The following LIPG variants were observed in gnomAD, a reference collection of about 807,000 sequenced individuals.
LIPG encodes the protein lipase G, endothelial type, also known as endothelial lipase.
A neutral mutation model predicts 51.8 loss-of-function variants in LIPG; 34 were observed. That is an observed-to-expected ratio of 0.66 (90% CI 0.50 to 0.87). The LOEUF is 0.87. Among genes scored for constraint, LIPG ranks in the 40% least tolerant of loss-of-function variants. LIPG has a pLI of 0.00. For missense variants in LIPG, 580 were observed against 652.7 expected (o/e 0.89, Z 1.21); for synonymous variants, 246 against 246.1 (o/e 1.00, Z 0.00).
chr18:49,571,928 C>T (rs947960315), intron 4 of LIPG, among the ~76,000 whole-genome samples: 8 of 152,170 alleles, frequency 5.3e-5, no homozygotes, highest in Admixed American at 2.6e-4. Flanking sequence ...GAACCTGTGC[C>T]TTGTTTGCTA....
At chr18:49,561,556 C>A, upstream of LIPG, 3 of 704,490 alleles carry the variant, frequency 4.3e-6, no homozygotes, top group Non-Finnish European at 5.9e-6. Context: ...TTGCGGCCCT[C>A]GCTAGGCGGG....
Position 49,575,610 on chromosome 18 carries a change from CTTTGTG to C in LIPG, c.793+25_793+30del, listed in dbSNP as rs891576207. 3.1e-6 allele frequency: 5 copies of C among 1,601,364 alleles called. No homozygotes were observed. In the African/African-American group the frequency reaches 6.7e-5, roughly 21 times the overall value. ...ATGGAAGTGAGTTCCCTCTTTTCTGCTTTGTGTTTGACTCAGTTTATTCCATCTCCT... is the reference window on the plus strand; with the variant it reads ...ATGGAAGTGAGTTCCCTCTTTTCTGCTTTGACTCAGTTTATTCCATCTCCT... On this transcript the variant is annotated intron_variant, in intron 5 of 9. Transcript: ENST00000261292.
At chr18:49,582,211 G>C in intron 6 of LIPG, 151 bp from the exon 7 acceptor site, 1 of 890,158 alleles carries the variant, frequency 1.1e-6, no homozygotes, top group Non-Finnish European at 1.8e-6. Flanking sequence ...TATGGCATTG[G>C]ACAGAACAAG....
At chr18:49,590,099 G>T (rs1003884575) in intron 9 of LIPG, 1 of 339,078 alleles carries the variant, frequency 2.9e-6, no homozygotes, top group Middle Eastern at 1.0e-3. Context: ...TGCCAATACA[G>T]TGTCTCTCTT....
chr18:49,562,118 C>T lies in LIPG; in HGVS notation c.-191C>T. Reference sequence around the variant, plus strand: ...GGGCAGATCTCGTTCTGGGGCAAGCCGTTGACACTCGCTCCCTGCCACCGC... The same window carrying T: ...GGGCAGATCTCGTTCTGGGGCAAGCTGTTGACACTCGCTCCCTGCCACCGC... On this transcript the variant is annotated 5_prime_UTR_variant, in exon 1 of 10. Transcript: ENST00000261292. 6.9e-7 allele frequency: 1 copy of T among 1,456,546 alleles called. No individual in the cohort carries two copies. Among genetic ancestry groups the T allele is most frequent in the South Asian group, 1.5e-5 (1 of 68,818 alleles). The allele number at this position is 1,456,546 out of a possible 1,614,324, so 90.2% of individuals were successfully genotyped here.
chr18:49,584,401 C>T (rs1269953133), intron 8 of LIPG, among the ~76,000 whole-genome samples: 2 of 152,206 alleles, frequency 1.3e-5, no homozygotes, highest in African/African-American at 4.8e-5. Flanking sequence ...TTTCTATCAG[C>T]TCCTAACACC....
chr18:49,574,321 G>A (rs1353975944), intron 4 of LIPG, among the ~76,000 whole-genome samples: 1 of 152,116 alleles, frequency 6.6e-6, no homozygotes, highest in Non-Finnish European at 1.5e-5. Flanking sequence ...GAAACACAGG[G>A]AAGTTTTTCA....
In LIPG at chr18:49,577,018, A is replaced by ATT. The variant is rs1421602554; in HGVS notation, c.793+1430_793+1431dup. ...TACACTCTATTTTATTTTATTTTTTATTTATTTATTTTTTTTTTATTGATA... is the reference window on the plus strand; with the variant it reads ...TACACTCTATTTTATTTTATTTTTTATTTTTATTTATTTTTTTTTTATTGATA... On this transcript the variant is annotated intron_variant, in intron 5 of 9. Coordinates refer to ENST00000261292, the MANE Select transcript of LIPG (RefSeq NM_006033.4). Among the ~76,000 whole-genome samples, 902 of 151,594 alleles carry ATT rather than the reference A, an allele frequency of 6.0e-3. 6 individuals carry two copies. Among genetic ancestry groups the ATT allele is most frequent in the African/African-American group, 0.02 (839 of 41,230 alleles).
chr18:49,586,666 C>T, intron 8 of LIPG, 80 bp from the exon 9 acceptor site: 1 of 1,003,306 alleles, frequency 1.0e-6, no homozygotes, highest in Non-Finnish European at 1.6e-6. Flanking sequence ...GCCTCCTCAC[C>T]CATCTGCCTT....
chr18:49,565,842 A>G (rs2084600579), intron 2 of LIPG, among the ~76,000 whole-genome samples: 1 of 152,332 alleles, frequency 6.6e-6, no homozygotes, highest in South Asian at 2.1e-4. Context: ...GTGAGAGCTG[A>G]GCTTAACTAA....
intron 5 of LIPG, among the ~76,000 whole-genome samples, chr18:49,578,403 G>A (rs1396636398): frequency 5.7e-5 from 7 of 123,334 alleles, no homozygotes; most frequent in African/African-American, 2.0e-4. Context: ...GGGCAGAGGC[G>A]CTCCCCACAT....
At chr18:49,566,762 C>T (rs2084610464) in intron 2 of LIPG, among the ~76,000 whole-genome samples, 1 of 152,132 alleles carries the variant, frequency 6.6e-6, no homozygotes, top group Admixed American at 6.5e-5. Flanking sequence ...TCCAGGGCAA[C>T]CCTCCCTAGC....
chr18:49,577,483 T>A (rs1034648167), intron 5 of LIPG, among the ~76,000 whole-genome samples: 1 of 147,156 alleles, frequency 6.8e-6, no homozygotes. Context: ...GCCTTTCTAT[T>A]CCACAAAGCC....
At chr18:49,564,214 A>G (rs1232875284) in intron 1 of LIPG, among the ~76,000 whole-genome samples, 1 of 152,054 alleles carries the variant, frequency 6.6e-6, no homozygotes, top group African/African-American at 2.4e-5. Flanking sequence ...CTCTGAGATA[A>G]ATTAACTCCA....
At chr18:49,566,716 C>T (rs1042452366) in intron 2 of LIPG, among the ~76,000 whole-genome samples, 3 of 152,134 alleles carry the variant, frequency 2.0e-5, no homozygotes, top group African/African-American at 7.2e-5. Flanking sequence ...ACCTAGGAGA[C>T]AGCATCTCCC....
At position 49,586,789 on chromosome 18, in the gene LIPG, C is replaced by T; in HGVS notation, c.1420C>T (p.Pro474Ser). Reference protein sequence around the residue: ...TEDPENTSISPGRELWFRKCR... With the variant: ...TEDPENTSISSGRELWFRKCR... Reference sequence around the variant, plus strand: ...AGACCCTGAGAACACCAGCATATCCCCAGGCCGGGAGCTCTGGTTTCGCAA... The same window carrying T: ...AGACCCTGAGAACACCAGCATATCCTCAGGCCGGGAGCTCTGGTTTCGCAA... The change falls in exon 9 of 10, where the codon CCA becomes TCA. Residue 474 changes from proline (P) to serine (S), a missense_variant. Transcript: ENST00000261292. 3 of 1,614,140 alleles carry T rather than the reference C, an allele frequency of 1.9e-6. No individual in the cohort carries two copies. Among genetic ancestry groups the T allele is most frequent in the Non-Finnish European group, 2.5e-6 (3 of 1,180,000 alleles).
rs1480577651 is a variant in LIPG, at chr18:49,594,180, G to C, written c.*3658G>C. Reference sequence around the variant, plus strand: ...GATGGAGTCTTGCTCTGTAGCCCAGGCTGGAGTGCAGGGGCATGATCTTGG... The same window carrying C: ...GATGGAGTCTTGCTCTGTAGCCCAGCCTGGAGTGCAGGGGCATGATCTTGG... On this transcript the variant is annotated 3_prime_UTR_variant, in exon 10 of 10. Coordinates refer to ENST00000261292, the MANE Select transcript of LIPG (RefSeq NM_006033.4). 1 of 152,042 alleles carries C rather than the reference G, an allele frequency of 6.6e-6. No homozygotes were observed. The highest frequency in any genetic ancestry group is 2.4e-5 in the African/African-American group (1 of 41,378). The allele number at this position is 152,042 out of a possible 1,614,324, so 9.4% of individuals were successfully genotyped here. A position where few individuals can be genotyped will look rare whatever the true frequency, so the allele number is the denominator to read the frequency against.
intron 9 of LIPG, among the ~76,000 whole-genome samples, chr18:49,588,271 T>C (rs1281963778): frequency 6.7e-6 from 1 of 150,190 alleles, no homozygotes; most frequent in African/African-American, 2.5e-5. Flanking sequence ...TGGGCCTAAT[T>C]CTCCCACACA....
intron 5 of LIPG, among the ~76,000 whole-genome samples, chr18:49,580,941 C>T (rs2084812179): frequency 6.6e-6 from 1 of 152,160 alleles, no homozygotes; most frequent in South Asian, 2.1e-4. Context: ...TAATGGGAAC[C>T]TAGCACCTTG....
Sources: gnomAD v4.1 joint callset for allele counts (sites outside exome capture counted in the v4.1 genomes callset) on GRCh38, gnomAD v4.1.1 for gene constraint, MANE v1.5 for transcripts, NCBI Gene and HGNC (gene_info 2026-07-23, HGNC 2026-07-21) for gene names.